Variants in ASIC2 observed in about 807,000 individuals in gnomAD.
ASIC2 encodes the protein acid-sensing ion channel 2.
ASIC2 carries 25 observed loss-of-function variants against 57.3 expected under a neutral mutation model. The observed-to-expected ratio is 0.44, with a 90% CI of 0.32 to 0.61. The LOEUF is 0.61. ASIC2 is among the 20% of genes least tolerant of loss of function. ASIC2 has a pLI of 0.06. For synonymous variants in ASIC2, 319 were observed against 307.5 expected (o/e 1.04, Z -0.39); for missense variants, 641 against 738.1 (o/e 0.87, Z 1.52).
intron 1 of ASIC2, among the ~76,000 whole-genome samples, chr17:34,009,690 T>C (rs1041735928): frequency 5.3e-5 from 8 of 152,212 alleles, no homozygotes; most frequent in Non-Finnish European, 1.2e-4. Flanking sequence ...TGGTTTATAT[T>C]GCAGCAGGGG....
intron 1 of ASIC2, among the ~76,000 whole-genome samples, chr17:33,556,622 G>A (rs976814446): frequency 1.3e-5 from 2 of 152,194 alleles, no homozygotes; most frequent in South Asian, 2.1e-4. Flanking sequence ...AAAGGTTTGT[G>A]GCTGCATCAG....
intron 1 of ASIC2, among the ~76,000 whole-genome samples, chr17:33,126,700 C>T (rs528769073): frequency 4.3e-4 from 65 of 151,896 alleles, no homozygotes; most frequent in African/African-American, 1.3e-3. Flanking sequence ...GCAGGAGAAT[C>T]GCTTGAACCG....
rs537753272 is a variant in ASIC2, at chr17:34,030,296, C to T, written c.555+125682G>A. On this transcript the variant is annotated intron_variant, in intron 1 of 9. Coordinates refer to the ASIC2 transcript ENST00000359872. ...TCAGTTTTCTAGAAATCCACCCATA[C>T]TTTCATTGATCCATAATCCATCCAT... Among the ~76,000 whole-genome samples, 6 of 152,368 alleles carry T rather than the reference C, an allele frequency of 3.9e-5. No homozygotes were observed. The East Asian group carries it at 1.2e-3, about 29-fold the overall frequency.
chr17:33,366,571 G>A (rs1252037980), intron 1 of ASIC2, among the ~76,000 whole-genome samples: 1 of 152,150 alleles, frequency 6.6e-6, no homozygotes, highest in African/African-American at 2.4e-5. Context: ...CTAGATCAAG[G>A]ATCCTTTCTT....
intron 1 of ASIC2, among the ~76,000 whole-genome samples, chr17:33,945,984 A>G (rs1055950945): frequency 3.3e-5 from 5 of 152,224 alleles, no homozygotes; most frequent in African/African-American, 1.2e-4. Context: ...GGCATCCTCC[A>G]GCATGCAAGA....
chr17:33,300,046 A>C (rs1905886832), intron 1 of ASIC2, among the ~76,000 whole-genome samples: 1 of 152,138 alleles, frequency 6.6e-6, no homozygotes, highest in South Asian at 2.1e-4. Flanking sequence ...TCCATTTTGA[A>C]ATTGGTAACA....
intron 1 of ASIC2, among the ~76,000 whole-genome samples, chr17:33,988,944 A>T (rs1905915040): frequency 6.6e-6 from 1 of 151,996 alleles, no homozygotes; most frequent in Non-Finnish European, 1.5e-5. Flanking sequence ...TTTGCCCCAA[A>T]TTGTTCCCTT....
At chr17:33,151,371 C>T (rs952183716) in intron 1 of ASIC2, among the ~76,000 whole-genome samples, 2 of 151,110 alleles carry the variant, frequency 1.3e-5, no homozygotes, top group Admixed American at 1.3e-4. Flanking sequence ...GATACTTTGT[C>T]TCAAGAAAAA....
intron 1 of ASIC2, among the ~76,000 whole-genome samples, chr17:34,045,296 T>A (rs1012218314): frequency 6.6e-6 from 1 of 152,198 alleles, no homozygotes; most frequent in Admixed American, 6.5e-5. Flanking sequence ...ATACTACCCA[T>A]GGGCAATGTG....
chr17:33,694,145 G>T (rs1330815974), intron 1 of ASIC2, among the ~76,000 whole-genome samples: 1 of 152,112 alleles, frequency 6.6e-6, no homozygotes, highest in African/African-American at 2.4e-5. Context: ...AAAGATTCAT[G>T]GCCTCAGGCT....
intron 1 of ASIC2, among the ~76,000 whole-genome samples, chr17:33,933,789 C>A (rs1480575537): frequency 6.6e-6 from 1 of 152,192 alleles, no homozygotes; most frequent in African/African-American, 2.4e-5. Context: ...TCACAGAATC[C>A]TTTGAGGAGG....
intron 1 of ASIC2, among the ~76,000 whole-genome samples, chr17:33,138,208 A>G (rs1311314073): frequency 1.3e-5 from 2 of 152,148 alleles, no homozygotes; most frequent in Non-Finnish European, 2.9e-5. Context: ...GCCAGCAACA[A>G]GCAATGGATG....
intron 1 of ASIC2, among the ~76,000 whole-genome samples, chr17:33,471,910 T>C (rs185614829): frequency 3.6e-4 from 55 of 152,280 alleles, no homozygotes; most frequent in African/African-American, 1.3e-3. Flanking sequence ...GAAGTGATAG[T>C]ATTTCCTCAT....
At chr17:33,974,351 G>C (rs1284857990) in intron 1 of ASIC2, among the ~76,000 whole-genome samples, 1 of 152,164 alleles carries the variant, frequency 6.6e-6, no homozygotes, top group African/African-American at 2.4e-5. Flanking sequence ...TCTTACTCCA[G>C]CAGCCATTGT....
intron 3 of ASIC2, among the ~76,000 whole-genome samples, chr17:33,085,328 G>A (rs969351549): frequency 2.0e-5 from 3 of 152,196 alleles, no homozygotes; most frequent in South Asian, 2.1e-4. Context: ...AACAAACACT[G>A]CTTATTGTAA....
chr17:33,096,559 A>G (rs115712331), intron 2 of ASIC2, among the ~76,000 whole-genome samples: 30 of 152,332 alleles, frequency 2.0e-4, no homozygotes, highest in African/African-American at 7.0e-4. Flanking sequence ...CCTATCCAGC[A>G]CAGTGAAGCC....
At chr17:33,734,007 C>A (rs76309709) in intron 1 of ASIC2, among the ~76,000 whole-genome samples, 2 of 152,170 alleles carry the variant, frequency 1.3e-5, no homozygotes, top group East Asian at 3.9e-4. Flanking sequence ...TTCCCCTCCC[C>A]CTAGGCCTCT....
intron 1 of ASIC2, among the ~76,000 whole-genome samples, chr17:33,838,020 T>A (rs923589376): frequency 3.3e-5 from 5 of 152,206 alleles, no homozygotes; most frequent in Admixed American, 3.3e-4. Flanking sequence ...ATTTACCTGT[T>A]CTTTCCTAAT....
At chr17:33,358,167 T>C (rs1279293873) in intron 1 of ASIC2, among the ~76,000 whole-genome samples, 1 of 152,238 alleles carries the variant, frequency 6.6e-6, no homozygotes, top group Admixed American at 6.5e-5. Context: ...AAAAGGATAA[T>C]TGTATTTTCT....
Sources: gnomAD v4.1 joint callset for allele counts (sites outside exome capture counted in the v4.1 genomes callset) on GRCh38, gnomAD v4.1.1 for gene constraint, MANE v1.5 for transcripts, NCBI Gene and HGNC (gene_info 2026-07-23, HGNC 2026-07-21) for gene names.